TSBP1: variants seen among roughly 807,000 people sequenced by gnomAD.
TSBP1 encodes testis-expressed basic protein 1.
TSBP1 carries 56 observed loss-of-function variants against 68.8 expected under a neutral mutation model. The ratio of observed to expected loss-of-function variants is 0.81; its 90% CI spans 0.66 to 1.02. TSBP1 has a LOEUF of 1.02. Ranked by LOEUF, TSBP1 falls within the 50% of genes least tolerant of loss-of-function variation. The probability of loss-of-function intolerance (pLI) is 0.00; values close to 1 mark genes in which losing one functional copy is unlikely to be tolerated. For missense variants in TSBP1, 502 were observed against 641.2 expected, an observed-to-expected ratio of 0.78 and a Z score of 2.34; for synonymous variants, 171 against 208.7, an observed-to-expected ratio of 0.82 and a Z score of 1.56.
chr6:32,339,338 A>C lies in TSBP1; in HGVS notation c.388+262T>G, dbSNP rs147531977. On this transcript the variant is annotated intron_variant, in intron 10 of 22. Transcript: ENST00000612031. Reference sequence around the variant, plus strand: ...TGTTAAATGAAAAAATTAATCAGTCACTTAGAGGATCTTGAAATCAGTCTC... The same window carrying C: ...TGTTAAATGAAAAAATTAATCAGTCCCTTAGAGGATCTTGAAATCAGTCTC... 8.8e-4 allele frequency: 507 copies of C among 576,992 alleles called. 2 individuals are homozygous for C. Among genetic ancestry groups the C allele is most frequent in the African/African-American group, 8.0e-3 (430 of 53,874 alleles). The allele number at this position is 576,992 out of a possible 1,614,324, so 35.7% of individuals were successfully genotyped here.
At position 32,314,964 on chromosome 6, in the gene TSBP1, C is replaced by T. The variant is rs895036430; in HGVS notation, c.580+808G>A. Among the ~76,000 whole-genome samples the T allele has an allele frequency of 2.0e-5, 3 of 152,202 alleles. No homozygotes were observed. Among genetic ancestry groups the T allele is most frequent in the African/African-American group, 7.2e-5 (3 of 41,448 alleles). ...AACACAGTTCCCAGGAGACTCACCT[C>T]AACTCGCTCATTTACTGACCTGCCT... is the stretch of plus-strand genomic sequence containing the variant. On this transcript the variant is annotated intron_variant, in intron 19 of 22. Transcript: ENST00000612031. This position sits in a 1 kb window ranked among gnomAD's most constrained non-coding sequence, Gnocchi z 4.2.
rs754006157 is a variant in TSBP1 at position 32,366,193 on chromosome 6, G to T, written c.197-6C>A. The T allele has an allele frequency of 5.0e-6, 8 of 1,594,508 alleles. No homozygotes were observed. Among genetic ancestry groups the T allele is most frequent in the Non-Finnish European group, 6.8e-6 (8 of 1,173,410 alleles). On this transcript the variant is annotated splice_polypyrimidine_tract_variant and splice_region_variant and intron_variant, in intron 5 of 22. Coordinates refer to ENST00000612031, the Ensembl canonical transcript of TSBP1. ...TCGGTTATCATATGAAGTGTCTAGA[G>T]AATTGAAGAAAAATTATAAGATTCT...
At chr6:32,356,651 C>T (rs1162638386) in intron 6 of TSBP1, among the ~76,000 whole-genome samples, 1 of 151,748 alleles carries the variant, frequency 6.6e-6, no homozygotes, top group Admixed American at 6.6e-5. Flanking sequence ...GCCCGGGAGA[C>T]GGAGATTGCA....
Position 32,337,653 on chromosome 6 carries a change from C to G in TSBP1, c.410-1018G>C, listed in dbSNP as rs1314341020. 6.6e-6 allele frequency among the ~76,000 whole-genome samples: 1 copy of G among 152,014 alleles called. No individual in the cohort carries two copies. The highest frequency in any genetic ancestry group is 1.5e-5 in the Non-Finnish European group (1 of 67,986). ...TTGTTAATAATGCAGTAACAGTCTT[C>G]TTCTTTATGACCACACACACACATA... On this transcript the variant is annotated intron_variant, in intron 11 of 22. Coordinates refer to ENST00000612031, the Ensembl canonical transcript of TSBP1. The surrounding 1 kb of genome is among the most constrained non-coding windows in gnomAD (Gnocchi z 5.5).
Position 32,294,040 on chromosome 6 carries a change from G to A in TSBP1, c.638-5C>T. 1.2e-6 allele frequency: 2 copies of A among 1,605,228 alleles called. No individual in the cohort carries two copies. Among genetic ancestry groups the A allele is most frequent in the Non-Finnish European group, 8.5e-7 (1 of 1,178,570 alleles). On this transcript the variant is annotated splice_region_variant and splice_polypyrimidine_tract_variant and intron_variant, in intron 22 of 22. Transcript: ENST00000612031. ...CCATGTAACCTGTTAATATAACTGA[G>A]CATACAACAAAAGGGCGTGATTTAG...
rs547301217 is a variant in TSBP1, at chr6:32,300,773, T to C, written c.602-73A>G. 6.1e-5 allele frequency: 74 copies of C among 1,208,518 alleles called. 1 individual carries two copies. In the African/African-American group the frequency reaches 1.0e-3, roughly 17 times the overall value. 74.9% of individuals were successfully genotyped at this position (1,208,518 alleles called of 1,614,324 possible). The stretch of plus-strand genomic sequence containing the variant: ...TCTTCCCAGTCCCCAAACCTCTGCA[T>C]TGAGTGGGATCTGTGTCATTAACAA... On this transcript the variant is annotated intron_variant, in intron 20 of 22. Coordinates refer to ENST00000612031, the Ensembl canonical transcript of TSBP1.
intron 2 of TSBP1, 23 bp downstream of exon 2, chr6:32,369,874 C>T: frequency 6.9e-7 from 1 of 1,441,230 alleles, no homozygotes; most frequent in South Asian, 1.1e-5. Context: ...AGGAAATCTT[C>T]ATTTTGACTC....
chr6:32,316,132 CCT>C lies in TSBP1; in HGVS notation c.560-342_560-341del, dbSNP rs1167705931. Among the ~76,000 whole-genome samples, 1 of 152,116 alleles carries C rather than the reference CCT, an allele frequency of 6.6e-6. No individual in the cohort carries two copies. Among genetic ancestry groups the C allele is most frequent in the East Asian group, 1.9e-4 (1 of 5,202 alleles). ...ATAATGTTTGAGAGAACACTGAAAGCCTCTCTCCATTTAAACATCATTATGGA... is the reference window on the plus strand; with the variant it reads ...ATAATGTTTGAGAGAACACTGAAAGCCTCTCCATTTAAACATCATTATGGA... On this transcript the variant is annotated intron_variant, in intron 18 of 22. Transcript: ENST00000612031. The surrounding 1 kb of genome is among the most constrained non-coding windows in gnomAD (Gnocchi z 4.5).
At position 32,315,749 on chromosome 6, in the gene TSBP1, C is replaced by G; in HGVS notation, c.580+23G>C. 6.8e-7 allele frequency: 1 copy of G among 1,474,430 alleles called. No homozygotes were observed. Among genetic ancestry groups the G allele is most frequent in the Non-Finnish European group, 9.1e-7 (1 of 1,094,374 alleles). 91.3% of individuals were successfully genotyped at this position (1,474,430 alleles called of 1,614,324 possible). On this transcript the variant is annotated intron_variant, in intron 19 of 22. Coordinates refer to ENST00000612031, the Ensembl canonical transcript of TSBP1. The surrounding 1 kb of genome is among the most constrained non-coding windows in gnomAD (Gnocchi z 5.4). The stretch of plus-strand genomic sequence containing the variant: ...TCTAACATAAATCTCCACATATGAC[C>G]AGCTGAGAAATAAAGAACTTACTTG...
At position 32,335,277 on chromosome 6, in the gene TSBP1, C is replaced by T. The variant is rs528258212; in HGVS notation, c.472+160G>A. 6.6e-6 allele frequency among the ~76,000 whole-genome samples: 1 copy of T among 152,028 alleles called. No homozygotes were observed. Among genetic ancestry groups the T allele is most frequent in the South Asian group, 2.1e-4 (1 of 4,824 alleles). ...CTTCATAGTTAATATATTTTTATTGCAGAACCTGGATGAGTCCAATCTGGA... is the reference window on the plus strand; with the variant it reads ...CTTCATAGTTAATATATTTTTATTGTAGAACCTGGATGAGTCCAATCTGGA... On this transcript the variant is annotated intron_variant, in intron 14 of 22. Transcript: ENST00000612031. This position sits in a 1 kb window ranked among gnomAD's most constrained non-coding sequence, Gnocchi z 5.5.
chr6:32,362,757 T>A (rs1160230163), intron 6 of TSBP1, among the ~76,000 whole-genome samples: 1 of 152,144 alleles, frequency 6.6e-6, no homozygotes, highest in Non-Finnish European at 1.5e-5. Flanking sequence ...ATTATAGGAG[T>A]TTTATAGTGG....
chr6:32,324,956 A>T (rs188059863), intron 16 of TSBP1, among the ~76,000 whole-genome samples: 1 of 152,310 alleles, frequency 6.6e-6, no homozygotes, highest in African/African-American at 2.4e-5. Context: ...CAGAGAAACA[A>T]ATAAATAACT....
At chr6:32,305,084 G>T (rs1765663887) in intron 19 of TSBP1, among the ~76,000 whole-genome samples, 1 of 152,150 alleles carries the variant, frequency 6.6e-6, no homozygotes, top group African/African-American at 2.4e-5. Context: ...ATAGAGCCAG[G>T]CTAGAATGTA....
Position 32,361,431 on chromosome 6 carries a change from T to G in TSBP1, c.217+4736A>C, listed in dbSNP as rs749870378. On this transcript the variant is annotated intron_variant, in intron 6 of 22. Transcript: ENST00000612031. The surrounding 1 kb of genome is among the most constrained non-coding windows in gnomAD (Gnocchi z 4.3). ...GGCTGGGTCAAATGGTATTTCTAGTTCTAGATCCTTGAGGAATCACCACAC... is the reference window on the plus strand; with the variant it reads ...GGCTGGGTCAAATGGTATTTCTAGTGCTAGATCCTTGAGGAATCACCACAC... Among the ~76,000 whole-genome samples the G allele has an allele frequency of 4.9e-4, 74 of 152,276 alleles. No homozygotes were observed. The highest frequency in any genetic ancestry group is 3.4e-3 in the Middle Eastern group (1 of 294).
chr6:32,370,407 GTATATATATATATATATATA>G lies in TSBP1; in HGVS notation c.14-444_14-425del, dbSNP rs9279612. Among the ~76,000 whole-genome samples, 660 of 130,704 alleles carry G rather than the reference GTATATATATATATATATATA, an allele frequency of 5.0e-3. 16 individuals are homozygous for G. Among genetic ancestry groups the G allele is most frequent in the African/African-American group, 0.016 (589 of 36,418 alleles). 85.7% of individuals were successfully genotyped at this position (130,704 alleles called of 152,430 possible). A position where few individuals can be genotyped will look rare whatever the true frequency, so the allele number is the denominator to read the frequency against. On this transcript the variant is annotated intron_variant, in intron 1 of 22. Transcript: ENST00000612031. Reference sequence around the variant, plus strand: ...TACCTTTAAAGTTGCAAGATTTTCTGTATATATATATATATATATATATATATATATATATATGGCTATAA... The same window carrying G: ...TACCTTTAAAGTTGCAAGATTTTCTGTATATATATATATATATGGCTATAA...
chr6:32,349,543 A>G (rs1562162889), intron 9 of TSBP1, 197 bp downstream of exon 9: 1 of 562,222 alleles, frequency 1.8e-6, no homozygotes, highest in Non-Finnish European at 3.1e-6. Context: ...TGTCATCATA[A>G]TAAACCACTA....
At chr6:32,332,215 T>C (rs1007331447) in intron 14 of TSBP1, among the ~76,000 whole-genome samples, 161 bp from the exon 16 acceptor site, 1 of 152,028 alleles carries the variant, frequency 6.6e-6, no homozygotes, top group African/African-American at 2.4e-5. Flanking sequence ...ATATTAACTA[T>C]AGAAAAAAGG....
rs1769608887 is a variant in TSBP1 at position 32,335,935 on chromosome 6, G to A, written c.431-3C>T. The A allele has an allele frequency of 6.2e-7, 1 of 1,608,524 alleles. No homozygotes were observed. The highest frequency in any genetic ancestry group is 8.5e-7 in the Non-Finnish European group (1 of 1,177,226). On this transcript the variant is annotated splice_polypyrimidine_tract_variant and splice_region_variant and intron_variant, in intron 12 of 22. Transcript: ENST00000612031. This position sits in a 1 kb window ranked among gnomAD's most constrained non-coding sequence, Gnocchi z 5.5. ...ACTGATAGGTCCTGTAGCTCCGGCT[G>A]TGAGAGAGAAAGAGGGAGAAAGAAA...
intron 20 of TSBP1, among the ~76,000 whole-genome samples, chr6:32,301,379 A>G (rs1038582734): frequency 3.3e-5 from 5 of 152,124 alleles, no homozygotes; most frequent in African/African-American, 9.7e-5. Context: ...AAATATAGGT[A>G]TATCTCTTGT....
Sources: gnomAD v4.1 joint callset for allele counts (sites outside exome capture counted in the v4.1 genomes callset) on GRCh38, gnomAD v4.1.1 for gene constraint, Gnocchi (gnomAD v3.1) non-coding constraint, MANE v1.5 for transcripts, NCBI Gene and HGNC (gene_info 2026-07-23, HGNC 2026-07-21) for gene names.